EYS: variants seen among roughly 807,000 people sequenced by gnomAD.
EYS encodes the protein EGF-like photoreceptor maintenance factor.
EYS carries 250 observed loss-of-function variants against 282.1 expected under a neutral mutation model. The observed-to-expected ratio is 0.89, with a 90% confidence interval of 0.80 to 0.98. The LOEUF (loss-of-function observed/expected upper bound fraction) is 0.98, where lower values mean the gene tolerates loss of function less well. EYS is among the 50% of genes least tolerant of loss of function. The pLI, the probability that EYS is intolerant of heterozygous loss-of-function variation, is 0.00. For missense variants in EYS, 4,016 were observed against 3,709.0 expected, an observed-to-expected ratio of 1.08 and a Z score of -2.15; for synonymous variants, 1,355 against 1,282.9, an observed-to-expected ratio of 1.06 and a Z score of -1.20.
At position 63,768,943 on chromosome 6, in the gene EYS, C is replaced by T. The variant is rs575355374; in HGVS notation, c.7899-6310G>A. On this transcript the variant is annotated intron_variant, in intron 40 of 42. Coordinates refer to ENST00000503581, the MANE Select transcript of EYS (RefSeq NM_001142800.2). ...AAGAAACATGAATGCAGCTGGAGGC[C>T]ATTATCTTAAGCAAACTAACATAGG... Among the ~76,000 whole-genome samples the T allele has an allele frequency of 2.0e-5, 3 of 152,168 alleles. No individual in the cohort carries two copies. The South Asian group carries it at 6.2e-4, about 32-fold the overall frequency.
rs182903785 is a variant in EYS at position 65,004,226 on chromosome 6, A to G, written c.2138-6523T>C. ...AAGGTTAATTCTGACACTAGAAAGG[A>G]AAAGTCACATTTCATTAGATTTCCT... On this transcript the variant is annotated intron_variant, in intron 13 of 42. Transcript: ENST00000503581. Among the ~76,000 whole-genome samples, 8 of 147,828 alleles carry G rather than the reference A, an allele frequency of 5.4e-5. 1 individual carries two copies. The highest frequency in any genetic ancestry group is 2.0e-4 in the Admixed American group (3 of 14,796).
chr6:64,654,558 C>T (rs9294569), intron 22 of EYS, among the ~76,000 whole-genome samples: 97,289 of 152,026 alleles, frequency 0.64, 31,366 homozygotes, highest in African/African-American at 0.71. Flanking sequence ...GACCAAGTTG[C>T]AGAGGGAGCT....
At chr6:64,460,921 GA>G (rs912949496) in intron 26 of EYS, among the ~76,000 whole-genome samples, 46 of 149,986 alleles carry the variant, frequency 3.1e-4, no homozygotes, top group South Asian at 2.1e-3. Flanking sequence ...GGAAGGTACA[GA>G]AAAAAAAAAT....
chr6:63,862,883 G>A (rs1173304441), intron 36 of EYS, among the ~76,000 whole-genome samples: 1 of 152,154 alleles, frequency 6.6e-6, no homozygotes, highest in Non-Finnish European at 1.5e-5. Context: ...CCCCTCTTAA[G>A]TCATTCTGTC....
At chr6:64,809,295 G>A (rs1764526486) in intron 22 of EYS, among the ~76,000 whole-genome samples, 1 of 151,798 alleles carries the variant, frequency 6.6e-6, no homozygotes, top group Non-Finnish European at 1.5e-5. Context: ...TCAAACTCTT[G>A]GAATAAACTA....
At chr6:64,728,028 G>A (rs903075110) in intron 22 of EYS, among the ~76,000 whole-genome samples, 2 of 152,124 alleles carry the variant, frequency 1.3e-5, no homozygotes, top group Admixed American at 6.5e-5. Context: ...GAACTAGCTG[G>A]CTGCTTCTTC....
chr6:65,265,665 A>G (rs887461555), intron 12 of EYS, among the ~76,000 whole-genome samples: 4 of 152,020 alleles, frequency 2.6e-5, no homozygotes, highest in African/African-American at 9.6e-5. Flanking sequence ...ATTAAATGAT[A>G]TAGAACTACT....
At chr6:65,210,205 T>G (rs1326732306) in intron 12 of EYS, among the ~76,000 whole-genome samples, 1 of 152,020 alleles carries the variant, frequency 6.6e-6, no homozygotes, top group East Asian at 1.9e-4. Flanking sequence ...TGCTTTAGAA[T>G]TGACAAATTA....
At chr6:64,597,970 T>C (rs903294111) in intron 24 of EYS, among the ~76,000 whole-genome samples, 8 of 152,132 alleles carry the variant, frequency 5.3e-5, no homozygotes, top group Admixed American at 1.3e-4. Context: ...AATGTATACA[T>C]CCATTGAAAT....
chr6:63,982,066 C>G (rs190269871), intron 35 of EYS, among the ~76,000 whole-genome samples: 22 of 151,840 alleles, frequency 1.4e-4, no homozygotes, highest in Middle Eastern at 3.4e-3. Flanking sequence ...TTCTTTAATT[C>G]ATGCAGATAA....
At chr6:63,937,395 T>TGTTTG (rs1765098708) in intron 35 of EYS, among the ~76,000 whole-genome samples, 1 of 109,612 alleles carries the variant, frequency 9.1e-6, no homozygotes, top group African/African-American at 3.8e-5. Context: ...TTTTTTTTTT[T>TGTTTG]TTTGAGACGG....
intron 13 of EYS, among the ~76,000 whole-genome samples, chr6:65,048,012 G>T (rs2150152938): frequency 6.6e-6 from 1 of 151,894 alleles, no homozygotes; most frequent in Admixed American, 6.6e-5. Context: ...TTTCATATTG[G>T]GGCTCCCATT....
intron 8 of EYS, among the ~76,000 whole-genome samples, chr6:65,356,466 C>T (rs558593489): frequency 6.6e-6 from 1 of 151,920 alleles, no homozygotes; most frequent in African/African-American, 2.4e-5. Flanking sequence ...AAAAATGACA[C>T]AAATAATATG....
intron 19 of EYS, among the ~76,000 whole-genome samples, chr6:64,880,248 C>T (rs1362289428): frequency 6.6e-6 from 1 of 151,976 alleles, no homozygotes; most frequent in East Asian, 1.9e-4. Flanking sequence ...TACCTCAAGA[C>T]TGCAAGACTG....
rs148424981 is a variant in EYS at position 64,137,994 on chromosome 6, AT to A, written c.6425-55993del. Among the ~76,000 whole-genome samples, 476 of 152,302 alleles carry A rather than the reference AT, an allele frequency of 3.1e-3. 3 individuals carry two copies. The highest frequency in any genetic ancestry group is 0.011 in the African/African-American group (459 of 41,578). ...GCCTGTATTGGATGAAAACTGCCAG[AT>A]TTTAATATTAAGCAATCGAGAGAAT... On this transcript the variant is annotated intron_variant, in intron 31 of 42. Transcript: ENST00000503581.
chr6:63,749,032 C>T (rs193062538), intron 41 of EYS, among the ~76,000 whole-genome samples: 21 of 152,052 alleles, frequency 1.4e-4, no homozygotes, highest in Admixed American at 3.9e-4. Context: ...TAGCTTTGGG[C>T]TTGATTTGCT....
intron 36 of EYS, among the ~76,000 whole-genome samples, chr6:63,850,835 A>C: frequency 6.6e-6 from 1 of 152,240 alleles, no homozygotes; most frequent in Admixed American, 6.5e-5. Context: ...TATTAACCTT[A>C]CATGTAAATG....
intron 31 of EYS, among the ~76,000 whole-genome samples, chr6:64,202,345 G>T (rs1452246106): frequency 6.6e-6 from 1 of 152,032 alleles, no homozygotes; most frequent in Non-Finnish European, 1.5e-5. Context: ...AGAAAGATAT[G>T]TTCTCTCTCC....
chr6:65,324,440 A>G (rs1019936061), intron 11 of EYS, among the ~76,000 whole-genome samples: 9 of 152,156 alleles, frequency 5.9e-5, no homozygotes, highest in African/African-American at 1.9e-4. Flanking sequence ...TGCATTCTGA[A>G]TACCAGAGCC....
Sources: gnomAD v4.1 joint callset for allele counts (sites outside exome capture counted in the v4.1 genomes callset) on GRCh38, gnomAD v4.1.1 for gene constraint, MANE v1.5 for transcripts, NCBI Gene and HGNC (gene_info 2026-07-23, HGNC 2026-07-21) for gene names.